NKAIN2: variants seen among roughly 807,000 people sequenced by gnomAD.
NKAIN2 encodes sodium/potassium transporting ATPase interacting 2.
NKAIN2 carries 14 observed loss-of-function variants against 32.6 expected under a neutral mutation model. That is an observed-to-expected ratio of 0.43 (90% CI 0.28 to 0.67). The LOEUF (loss-of-function observed/expected upper bound fraction) is 0.67. Ranked by LOEUF, NKAIN2 falls within the 30% of genes least tolerant of loss-of-function variation. The pLI is 0.17. For missense variants in NKAIN2, 198 were observed against 258.3 expected, an observed-to-expected ratio of 0.77 and a Z score of 1.60; for synonymous variants, 80 against 87.2, an observed-to-expected ratio of 0.92 and a Z score of 0.46.
At chr6:124,515,255 A>G (rs540455727) in intron 3 of NKAIN2, among the ~76,000 whole-genome samples, 1 of 152,222 alleles carries the variant, frequency 6.6e-6, no homozygotes, top group South Asian at 2.1e-4. Context: ...TGGGTAATTT[A>G]TAAAGAAAAG....
At chr6:123,947,408 G>A (rs531226013) in intron 1 of NKAIN2, among the ~76,000 whole-genome samples, 1 of 152,216 alleles carries the variant, frequency 6.6e-6, no homozygotes, top group Non-Finnish European at 1.5e-5. Flanking sequence ...AAATTAACTT[G>A]TATTCTTTCA....
intron 1 of NKAIN2, among the ~76,000 whole-genome samples, chr6:124,026,657 G>C (rs1040176248): frequency 6.6e-6 from 1 of 152,136 alleles, no homozygotes. Flanking sequence ...AGGCATCACA[G>C]TTGTTCTTGA....
intron 1 of NKAIN2, among the ~76,000 whole-genome samples, chr6:124,222,584 G>A (rs1432791366): frequency 2.0e-5 from 3 of 152,082 alleles, no homozygotes; most frequent in Admixed American, 6.6e-5. Context: ...TATAGGCAAA[G>A]GAAACAATAA....
At chr6:124,585,934 G>C (rs1781696915) in intron 3 of NKAIN2, among the ~76,000 whole-genome samples, 1 of 152,182 alleles carries the variant, frequency 6.6e-6, no homozygotes, top group Non-Finnish European at 1.5e-5. Context: ...TTTGCCTAAA[G>C]AAGAGGCATG....
At chr6:124,430,168 A>G (rs993607419) in intron 3 of NKAIN2, among the ~76,000 whole-genome samples, 1 of 152,226 alleles carries the variant, frequency 6.6e-6, no homozygotes, top group Non-Finnish European at 1.5e-5. Flanking sequence ...AATTTACAAT[A>G]TAGAGAATTT....
intron 4 of NKAIN2, among the ~76,000 whole-genome samples, chr6:124,683,779 T>C (rs1773735175): frequency 6.6e-6 from 1 of 152,158 alleles, no homozygotes; most frequent in Non-Finnish European, 1.5e-5. Flanking sequence ...GCTGTTCTTA[T>C]TCACAGCAAG....
intron 1 of NKAIN2, among the ~76,000 whole-genome samples, chr6:124,257,485 T>C (rs980951678): frequency 3.3e-5 from 5 of 152,214 alleles, no homozygotes; most frequent in Non-Finnish European, 7.3e-5. Context: ...TATACCATAT[T>C]TGAGACTTCT....
At chr6:124,151,961 CT>C (rs1384733353) in intron 1 of NKAIN2, among the ~76,000 whole-genome samples, 2 of 151,876 alleles carry the variant, frequency 1.3e-5, no homozygotes, top group Admixed American at 1.3e-4. Context: ...GATATATTTA[CT>C]TTTAATGAAG....
chr6:124,688,612 C>G (rs796724747), intron 4 of NKAIN2, among the ~76,000 whole-genome samples: 7 of 152,100 alleles, frequency 4.6e-5, no homozygotes, highest in African/African-American at 1.7e-4. Context: ...TAAAAATTCA[C>G]CATGCTATGT....
chr6:124,265,255 G>A (rs1794440678), intron 1 of NKAIN2, among the ~76,000 whole-genome samples: 1 of 151,778 alleles, frequency 6.6e-6, no homozygotes, highest in Non-Finnish European at 1.5e-5. Context: ...TTAGGTTCAT[G>A]TTTGCTATCC....
chr6:124,207,118 A>G (rs941526679), intron 1 of NKAIN2, among the ~76,000 whole-genome samples: 8 of 151,676 alleles, frequency 5.3e-5, no homozygotes, highest in Non-Finnish European at 1.2e-4. Context: ...GGATAAGCAA[A>G]TATTGTTTCA....
intron 1 of NKAIN2, among the ~76,000 whole-genome samples, chr6:124,036,779 GT>G (rs534716548): frequency 1.3e-5 from 2 of 152,042 alleles, no homozygotes; most frequent in African/African-American, 4.8e-5. Flanking sequence ...GTGTGTATGT[GT>G]TTTTTTAAAA....
chr6:124,152,970 G>A (rs1466075367), intron 1 of NKAIN2, among the ~76,000 whole-genome samples: 1 of 151,850 alleles, frequency 6.6e-6, no homozygotes, highest in Non-Finnish European at 1.5e-5. Context: ...CTTGCAGTTA[G>A]CATAATGGTG....
intron 3 of NKAIN2, among the ~76,000 whole-genome samples, chr6:124,546,334 C>T (rs537772357): frequency 1.3e-5 from 2 of 152,082 alleles, no homozygotes; most frequent in South Asian, 4.2e-4. Flanking sequence ...TATTGTCCAC[C>T]CAGAGTTAGA....
chr6:124,515,089 A>T (rs752685714), intron 3 of NKAIN2, among the ~76,000 whole-genome samples: 16 of 152,176 alleles, frequency 1.1e-4, no homozygotes, highest in Non-Finnish European at 2.4e-4. Flanking sequence ...AGTAGCACAG[A>T]TATTTCAGAG....
At chr6:124,435,556 G>A (rs1775406036) in intron 3 of NKAIN2, among the ~76,000 whole-genome samples, 1 of 152,024 alleles carries the variant, frequency 6.6e-6, no homozygotes. Flanking sequence ...GAATCACAGA[G>A]ACTTTAAATG....
rs1782266485 is a variant in NKAIN2 at position 124,600,552 on chromosome 6, G to T, written c.274-57634G>T. On this transcript the variant is annotated intron_variant, in intron 3 of 6. Coordinates refer to ENST00000368417, the MANE Select transcript of NKAIN2 (RefSeq NM_001040214.3). ...CTTCTTTATGCTTAGTTCTTTAAAA[G>T]AAGATAATTTGCTTTGAAAGTATTT... 2.6e-5 allele frequency among the ~76,000 whole-genome samples: 4 copies of T among 152,016 alleles called. No individual in the cohort carries two copies. In the South Asian group the frequency reaches 8.3e-4, roughly 31 times the overall value.
intron 3 of NKAIN2, among the ~76,000 whole-genome samples, chr6:124,558,106 T>G (rs1780543702): frequency 6.6e-6 from 1 of 152,162 alleles, no homozygotes; most frequent in Non-Finnish European, 1.5e-5. Context: ...TCTCAACCTT[T>G]CTCTCTGCAG....
chr6:124,101,601 T>C (rs955394729), intron 1 of NKAIN2, among the ~76,000 whole-genome samples: 7 of 152,206 alleles, frequency 4.6e-5, no homozygotes, highest in Non-Finnish European at 7.3e-5. Flanking sequence ...TGCTGTTTTT[T>C]TCTATCCACT....
Sources: gnomAD v4.1 joint callset for allele counts (sites outside exome capture counted in the v4.1 genomes callset) on GRCh38, gnomAD v4.1.1 for gene constraint, MANE v1.5 for transcripts, NCBI Gene and HGNC (gene_info 2026-07-23, HGNC 2026-07-21) for gene names.